The following GPR55 variants were observed in gnomAD, a reference collection of about 807,000 sequenced individuals.
The protein encoded by GPR55 is G protein-coupled receptor 55.
GPR55 carries 6 observed loss-of-function variants against 7.9 expected under a neutral mutation model. That is an observed-to-expected ratio of 0.76 (90% CI 0.41 to 1.49). The LOEUF is 1.49. Among genes scored for constraint, GPR55 ranks in the 40% most tolerant of loss-of-function variants. The probability of loss-of-function intolerance (pLI) is 0.01; values close to 1 mark genes in which losing one functional copy is unlikely to be tolerated. For synonymous variants in GPR55, 183 were observed against 166.8 expected (o/e 1.10, Z -0.75); for missense variants, 376 against 406.0 (o/e 0.93, Z 0.63).
intron 1 of GPR55, among the ~76,000 whole-genome samples, chr2:230,942,831 G>A (rs1394816238): frequency 2.0e-5 from 3 of 152,056 alleles, no homozygotes; most frequent in South Asian, 4.1e-4. Context: ...TGGGGTAAGG[G>A]GGAAGAGACA....
At chr2:230,913,298 C>A (rs949820306) in intron 1 of GPR55, among the ~76,000 whole-genome samples, 1 of 152,110 alleles carries the variant, frequency 6.6e-6, no homozygotes, top group Admixed American at 6.5e-5. Context: ...CTATTGGGCG[C>A]CCGTGGGAGG....
upstream of GPR55, among the ~76,000 whole-genome samples, chr2:230,929,237 GC>G (rs1159420006): frequency 2.0e-5 from 3 of 152,266 alleles, no homozygotes; most frequent in South Asian, 6.2e-4. Context: ...CGTTCCTGGA[GC>G]CTTTGCCAAG....
intron 1 of GPR55, among the ~76,000 whole-genome samples, chr2:230,916,941 TGTTTG>T (rs1690730887): frequency 6.6e-6 from 1 of 152,156 alleles, no homozygotes; most frequent in Admixed American, 6.5e-5. Context: ...AAAATATAAC[TGTTTG>T]CTCTTATGAA....
At position 230,910,170 on chromosome 2, in the gene GPR55, T is replaced by G; in HGVS notation, c.793A>C (p.Ser265Arg). 6.2e-7 allele frequency: 1 copy of G among 1,614,144 alleles called. No individual in the cohort carries two copies. The highest frequency in any genetic ancestry group is 8.5e-7 in the Non-Finnish European group (1 of 1,179,980). ...SFIVECRAKQSISFFLQLSMC... is the reference protein window; with the variant it reads ...SFIVECRAKQRISFFLQLSMC... ...GACAATTGCAAGAAGAAGCTGATGC[T>G]CTGCTTGGCTCTGCACTCTACGATA... The change falls in exon 2 of 2, where the codon AGC becomes CGC. Residue 265 changes from serine to arginine, a missense_variant. Coordinates refer to ENST00000650999, the MANE Select transcript of GPR55 (RefSeq NM_005683.4). This position sits in a 1 kb window ranked among gnomAD's most constrained non-coding sequence, Gnocchi z 5.4.
chr2:230,923,146 G>A lies in GPR55; in HGVS notation c.-135+2022C>T, dbSNP rs1164053605. On this transcript the variant is annotated intron_variant, in intron 1 of 1. Transcript: ENST00000650999. This position sits in a 1 kb window ranked among gnomAD's most constrained non-coding sequence, Gnocchi z 4.1. Reference sequence around the variant, plus strand: ...GCAGCCCTGTGGCTTTGCCTGCACAGCTGAGACCTCGAAACCCAGCTATGT... The same window carrying A: ...GCAGCCCTGTGGCTTTGCCTGCACAACTGAGACCTCGAAACCCAGCTATGT... Among the ~76,000 whole-genome samples, 1 of 152,224 alleles carries A rather than the reference G, an allele frequency of 6.6e-6. No homozygotes were observed. Among genetic ancestry groups the A allele is most frequent in the Non-Finnish European group, 1.5e-5 (1 of 68,046 alleles).
chr2:230,910,969 T>C lies in GPR55; in HGVS notation c.-7A>G. ...TGGTGTTTTGCTGACTCATGTTTCT[T>C]CCTACAACACCAACAGATCAGACGG... On this transcript the variant is annotated 5_prime_UTR_variant, in exon 2 of 2. Coordinates refer to ENST00000650999, the MANE Select transcript of GPR55 (RefSeq NM_005683.4). This position sits in a 1 kb window ranked among gnomAD's most constrained non-coding sequence, Gnocchi z 5.4. The C allele has an allele frequency of 6.3e-7, 1 of 1,587,572 alleles. No homozygotes were observed. Among genetic ancestry groups the C allele is most frequent in the Non-Finnish European group, 8.6e-7 (1 of 1,163,034 alleles).
intron 1 of GPR55, among the ~76,000 whole-genome samples, chr2:230,912,506 T>C (rs771689018): frequency 1.3e-5 from 2 of 152,226 alleles, no homozygotes; most frequent in Non-Finnish European, 2.9e-5. Context: ...CTTGGCTCAC[T>C]GCAACCTCTG....
chr2:230,922,766 C>A (rs528923200), intron 1 of GPR55, among the ~76,000 whole-genome samples: 1 of 151,976 alleles, frequency 6.6e-6, no homozygotes, highest in Admixed American at 6.6e-5. Flanking sequence ...GTAGATACAG[C>A]GTTTCTCTAT....
At chr2:230,941,866 A>C (rs1251856643) in intron 1 of GPR55, among the ~76,000 whole-genome samples, 1 of 152,178 alleles carries the variant, frequency 6.6e-6, no homozygotes, top group Non-Finnish European at 1.5e-5. Flanking sequence ...TTTGCATCTT[A>C]CATTGTAAGA....
At chr2:230,927,743 C>T (rs924735885), upstream of GPR55, among the ~76,000 whole-genome samples, 1 of 152,252 alleles carries the variant, frequency 6.6e-6, no homozygotes, top group Non-Finnish European at 1.5e-5. Flanking sequence ...ACAAGTGAAT[C>T]TGACTGTGTT....
intron 1 of GPR55, among the ~76,000 whole-genome samples, chr2:230,956,647 C>T (rs1319070659): frequency 6.6e-6 from 1 of 152,180 alleles, no homozygotes; most frequent in Non-Finnish European, 1.5e-5. Context: ...AAGAACATTC[C>T]TTACATAACC....
Position 230,920,474 on chromosome 2 carries a change from T to C in GPR55, c.-135+4694A>G, listed in dbSNP as rs548559407. Among the ~76,000 whole-genome samples the C allele has an allele frequency of 5.3e-5, 8 of 152,094 alleles. No homozygotes were observed. The South Asian group carries it at 1.5e-3, about 28-fold the overall frequency. On this transcript the variant is annotated intron_variant, in intron 1 of 1. Coordinates refer to ENST00000650999, the MANE Select transcript of GPR55 (RefSeq NM_005683.4). ...TGATGGGAGAACAGCAACAAGAACC[T>C]GATTCATGATTTTTTTAAAAAAAAA...
rs759246759 is a variant in GPR55 at position 230,910,123 on chromosome 2, G to C, written c.840C>G (p.Asn280Lys). ...LQLSMCFSNV[N>K]CCLDVFCYYF... ...AGTAGCAGAAAACATCCAGGCAGCA[G>C]TTGACGTTGGAGAAACACATGGACA... is the stretch of plus-strand genomic sequence containing the variant. Residue 280 changes from asparagine to lysine, a missense_variant, in exon 2 of 2, where the codon AAC (asparagine) becomes AAG (lysine). Coordinates refer to ENST00000650999, the MANE Select transcript of GPR55 (RefSeq NM_005683.4). This position sits in a 1 kb window ranked among gnomAD's most constrained non-coding sequence, Gnocchi z 5.4. 1 of 1,614,208 alleles carries C rather than the reference G, an allele frequency of 6.2e-7. No homozygotes were observed. Among genetic ancestry groups the C allele is most frequent in the South Asian group, 1.1e-5 (1 of 91,084 alleles).
At chr2:230,953,301 GT>G (rs1266663221) in intron 1 of GPR55, among the ~76,000 whole-genome samples, 1 of 152,194 alleles carries the variant, frequency 6.6e-6, no homozygotes, top group Non-Finnish European at 1.5e-5. Context: ...TGGAATTAAG[GT>G]TGCCAATTAT....
intron 1 of GPR55, among the ~76,000 whole-genome samples, chr2:230,921,624 C>T (rs992053900): frequency 6.6e-6 from 1 of 152,190 alleles, no homozygotes; most frequent in Non-Finnish European, 1.5e-5. Context: ...ACACAAAACA[C>T]AAACGCAGTC....
chr2:230,943,380 T>A (rs545454846), intron 1 of GPR55, among the ~76,000 whole-genome samples: 21 of 152,048 alleles, frequency 1.4e-4, no homozygotes, highest in African/African-American at 4.3e-4. Flanking sequence ...AGCCAGCCCC[T>A]CCGTGGAGGG....
intron 1 of GPR55, among the ~76,000 whole-genome samples, chr2:230,916,060 T>G (rs1310087899): frequency 6.8e-6 from 1 of 148,014 alleles, no homozygotes; most frequent in Non-Finnish European, 1.5e-5. Flanking sequence ...ACATTTAAAA[T>G]CAAAAGAAAA....
At chr2:230,943,834 C>T (rs1194176749) in intron 1 of GPR55, among the ~76,000 whole-genome samples, 1 of 152,222 alleles carries the variant, frequency 6.6e-6, no homozygotes, top group East Asian at 1.9e-4. Context: ...GCTTCCTCTT[C>T]GCCTTCTGCC....
At chr2:230,934,475 T>C (rs1033535805) in intron 1 of GPR55, among the ~76,000 whole-genome samples, 7 of 152,172 alleles carry the variant, frequency 4.6e-5, no homozygotes, top group African/African-American at 1.4e-4. Flanking sequence ...GCCCCAACCC[T>C]GAGCTCTTGG....
Sources: allele counts gnomAD v4.1 joint callset (sites outside exome capture counted in the v4.1 genomes callset), GRCh38; gene constraint gnomAD v4.1.1; non-coding constraint Gnocchi (gnomAD v3.1); transcripts MANE v1.5; gene names NCBI Gene and HGNC (gene_info 2026-07-23, HGNC 2026-07-21).